MYO5B: variants seen among roughly 807,000 people sequenced by gnomAD.
MYO5B encodes unconventional myosin-Vb.
A neutral mutation model predicts 229.3 loss-of-function variants in MYO5B; 143 were observed. The observed-to-expected ratio is 0.62, with a 90% CI of 0.54 to 0.72. The LOEUF is 0.72. Among genes scored for constraint, MYO5B ranks in the 30% least tolerant of loss-of-function variants. The pLI, the probability that MYO5B is intolerant of heterozygous loss-of-function variation, is 0.00. For missense variants in MYO5B, 2,321 were observed against 2,331.0 expected, an observed-to-expected ratio of 1.00 and a Z score of 0.09; for synonymous variants, 918 against 885.2, an observed-to-expected ratio of 1.04 and a Z score of -0.66.
chr18:49,879,589 T>C (rs1015047916), intron 23 of MYO5B, among the ~76,000 whole-genome samples: 1 of 152,220 alleles, frequency 6.6e-6, no homozygotes, highest in African/African-American at 2.4e-5. Context: ...AAAAGGACAT[T>C]TGAAAACAGT....
intron 9 of MYO5B, among the ~76,000 whole-genome samples, chr18:49,977,020 C>T (rs767388560): frequency 2.0e-5 from 3 of 152,184 alleles, no homozygotes; most frequent in Non-Finnish European, 4.4e-5. Context: ...CTGCCCAAGA[C>T]ATGCCCACGG....
chr18:49,876,067 T>C (rs896948131), intron 25 of MYO5B, among the ~76,000 whole-genome samples: 3 of 152,252 alleles, frequency 2.0e-5, no homozygotes, highest in Non-Finnish European at 2.9e-5. Context: ...ATATTCCTCC[T>C]GTGTGAGCCA....
In MYO5B at chr18:49,843,246, G is replaced by A. The variant is rs549846743; in HGVS notation, c.4606C>T (p.Leu1536=). ...CTTCTGCAGGGGCTGCTTACTTTCA[G>A]GACTTTCTTAATGCCGTTGATGGTG... is the stretch of plus-strand genomic sequence containing the variant. The part of the protein sequence containing the change: ...TSTINGIKKV[L]KKHNDDFEMT... The change falls in exon 34 of 40, where the codon CTG becomes TTG. Residue 1536 remains leucine (L), a synonymous_variant. Transcript: ENST00000285039. The A allele has an allele frequency of 1.2e-6, 2 of 1,614,078 alleles. No individual in the cohort carries two copies. The highest frequency in any genetic ancestry group is 2.2e-5 in the South Asian group (2 of 91,070).
chr18:49,945,483 C>T (rs1253386056), intron 14 of MYO5B, among the ~76,000 whole-genome samples: 2 of 151,522 alleles, frequency 1.3e-5, no homozygotes, highest in Admixed American at 1.3e-4. Flanking sequence ...GGAGCTGGAG[C>T]TGCTGCTCCA....
chr18:50,149,176 A>T (rs1312009388), intron 1 of MYO5B, among the ~76,000 whole-genome samples: 1 of 152,252 alleles, frequency 6.6e-6, no homozygotes, highest in East Asian at 1.9e-4. Context: ...TGCTCAATGT[A>T]ATCAAAGAGG....
intron 2 of MYO5B, among the ~76,000 whole-genome samples, chr18:50,044,229 C>T (rs1248202768): frequency 6.6e-6 from 1 of 152,042 alleles, no homozygotes; most frequent in East Asian, 1.9e-4. Context: ...TGTGGACGTC[C>T]AGAGGGAAGG....
intron 4 of MYO5B, among the ~76,000 whole-genome samples, chr18:50,003,916 G>C (rs980455504): frequency 6.6e-6 from 1 of 152,186 alleles, no homozygotes; most frequent in African/African-American, 2.4e-5. Context: ...AGTGGAGGAG[G>C]GGAGATGGGT....
intron 29 of MYO5B, among the ~76,000 whole-genome samples, chr18:49,858,428 C>T (rs146482255): frequency 2.6e-5 from 4 of 152,228 alleles, no homozygotes; most frequent in African/African-American, 9.6e-5. Flanking sequence ...GCTCCACCCA[C>T]CTCCTTTCCC....
chr18:49,909,174 C>T (rs934940409), intron 18 of MYO5B, among the ~76,000 whole-genome samples: 6 of 152,156 alleles, frequency 3.9e-5, no homozygotes, highest in East Asian at 1.9e-4. Context: ...CTTAGTTTCT[C>T]GATACAAAGT....
intron 1 of MYO5B, among the ~76,000 whole-genome samples, chr18:50,064,778 C>A (rs116104251): frequency 0.012 from 1,894 of 152,302 alleles, 33 homozygotes; most frequent in African/African-American, 0.044. Flanking sequence ...TTTATGCAGT[C>A]TAAGTTTGCT....
chr18:50,037,796 C>T (rs2029889333), intron 3 of MYO5B, among the ~76,000 whole-genome samples: 2 of 151,986 alleles, frequency 1.3e-5, no homozygotes, highest in African/African-American at 4.8e-5. Context: ...CTCGAGGAGT[C>T]TGAGAGGAAT....
chr18:50,143,032 G>C (rs1441401596), intron 1 of MYO5B, among the ~76,000 whole-genome samples: 1 of 152,216 alleles, frequency 6.6e-6, no homozygotes, highest in Non-Finnish European at 1.5e-5. Flanking sequence ...ACAGACTTCT[G>C]TCCAGCCAAG....
chr18:49,843,268 G>A lies in MYO5B; in HGVS notation c.4584C>T (p.Thr1528=). The A allele has an allele frequency of 6.2e-7, 1 of 1,614,198 alleles. No individual in the cohort carries two copies. The highest frequency in any genetic ancestry group is 8.5e-7 in the Non-Finnish European group (1 of 1,180,030). The change falls in exon 34 of 40, where the codon ACC becomes ACT. Residue 1528 remains threonine, a synonymous_variant. Transcript: ENST00000285039. ...DLKVHSLLTS[T]INGIKKVLKK... ...TCAGGACTTTCTTAATGCCGTTGAT[G>A]GTGGAGGTCAGCAGGGAGTGCACCT...
intron 31 of MYO5B, chr18:49,850,319 C>T (rs377050611): frequency 9.0e-5 from 14 of 155,542 alleles, no homozygotes; most frequent in East Asian, 1.9e-4. Flanking sequence ...GAGCCGGCTT[C>T]GGTGACTAGA....
At chr18:50,105,266 G>C (rs1197307878) in intron 1 of MYO5B, among the ~76,000 whole-genome samples, 1 of 148,640 alleles carries the variant, frequency 6.7e-6, no homozygotes, top group African/African-American at 2.5e-5. Context: ...AGATAAAATA[G>C]CTGCTGATGC....
intron 21 of MYO5B, 74 bp downstream of exon 21, chr18:49,902,520 G>A (rs1021751505): frequency 2.5e-6 from 4 of 1,592,918 alleles, no homozygotes; most frequent in Middle Eastern, 2.2e-4. Flanking sequence ...GTTCCTCAAG[G>A]AAGCTGTGGG....
intron 1 of MYO5B, among the ~76,000 whole-genome samples, chr18:50,127,784 G>A (rs2032189803): frequency 6.6e-6 from 1 of 152,206 alleles, no homozygotes; most frequent in African/African-American, 2.4e-5. Flanking sequence ...TCTAGATGAG[G>A]TTAACATCTG....
At chr18:50,014,818 T>TACCGCAC (rs1011780838) in intron 4 of MYO5B, among the ~76,000 whole-genome samples, 2 of 152,220 alleles carry the variant, frequency 1.3e-5, no homozygotes, top group African/African-American at 4.8e-5. Flanking sequence ...GGCAATTTTT[T>TACCGCAC]ACCGCACAGC....
chr18:49,831,179 T>A (rs2023915801), intron 39 of MYO5B, among the ~76,000 whole-genome samples: 1 of 152,114 alleles, frequency 6.6e-6, no homozygotes, highest in Non-Finnish European at 1.5e-5. Context: ...GGGAGCTAAA[T>A]CTGCAAAGCT....
Sources: allele counts gnomAD v4.1 joint callset (sites outside exome capture counted in the v4.1 genomes callset), GRCh38; gene constraint gnomAD v4.1.1; transcripts MANE v1.5; gene names NCBI Gene and HGNC (gene_info 2026-07-23, HGNC 2026-07-21).